RORA: variants seen among roughly 807,000 people sequenced by gnomAD.
RORA encodes nuclear receptor ROR-alpha.
RORA carries 7 observed loss-of-function variants against 69.5 expected under a neutral mutation model. That is an observed-to-expected ratio of 0.10 (90% CI 0.06 to 0.19). The LOEUF (loss-of-function observed/expected upper bound fraction) is 0.19, where lower values mean the gene tolerates loss of function less well. Among genes scored for constraint, RORA ranks in the 10% least tolerant of loss-of-function variants. The pLI is 1.00. For synonymous variants in RORA, 261 were observed against 240.8 expected (o/e 1.08, Z -0.78); for missense variants, 457 against 663.0 (o/e 0.69, Z 3.41).
chr15:60,946,438 T>G (rs901831233), intron 1 of RORA, among the ~76,000 whole-genome samples: 1 of 152,186 alleles, frequency 6.6e-6, no homozygotes, highest in African/African-American at 2.4e-5. Context: ...TGACTGGTTT[T>G]CGTATTTTTT....
chr15:60,971,016 C>T (rs2140351530), intron 1 of RORA, among the ~76,000 whole-genome samples: 1 of 152,254 alleles, frequency 6.6e-6, no homozygotes, highest in African/African-American at 2.4e-5. Context: ...TTTATACTTC[C>T]TTTGGGGGCA....
At chr15:61,094,807 G>A (rs1162164744) in intron 1 of RORA, among the ~76,000 whole-genome samples, 4 of 152,186 alleles carry the variant, frequency 2.6e-5, no homozygotes, top group Admixed American at 2.0e-4. Flanking sequence ...ACTACTTGCA[G>A]CAAACCTTAG....
At chr15:60,518,675 G>A (rs577448750) in intron 3 of RORA, among the ~76,000 whole-genome samples, 3 of 152,282 alleles carry the variant, frequency 2.0e-5, no homozygotes, top group Admixed American at 6.5e-5. Context: ...ACCTCCTAGC[G>A]CCGTCTGTAA....
At chr15:60,504,979 CT>C (rs2065452040) in intron 6 of RORA, among the ~76,000 whole-genome samples, 1 of 152,188 alleles carries the variant, frequency 6.6e-6, no homozygotes, top group South Asian at 2.1e-4. Flanking sequence ...CTTAGATAAT[CT>C]TGTTGATCTG....
chr15:61,068,377 T>C (rs1244034585), intron 1 of RORA, among the ~76,000 whole-genome samples: 4 of 152,220 alleles, frequency 2.6e-5, no homozygotes, highest in Non-Finnish European at 5.9e-5. Context: ...AACCACTGTT[T>C]CCTCTCTTGA....
At chr15:60,570,464 G>C (rs1025966772) in intron 2 of RORA, among the ~76,000 whole-genome samples, 2 of 151,994 alleles carry the variant, frequency 1.3e-5, no homozygotes, top group African/African-American at 4.8e-5. Flanking sequence ...CTGAGTAGCT[G>C]GGACTATAAT....
intron 1 of RORA, among the ~76,000 whole-genome samples, chr15:61,158,685 C>G (rs2079467366): frequency 6.6e-6 from 1 of 152,116 alleles, no homozygotes; most frequent in African/African-American, 2.4e-5. Context: ...AATAGAGACC[C>G]AAAGAGGCTC....
intron 1 of RORA, among the ~76,000 whole-genome samples, chr15:61,084,825 CTTT>C (rs34566111): frequency 4.2e-4 from 58 of 138,752 alleles, no homozygotes; most frequent in African/African-American, 1.1e-3. Context: ...TCTACCCATC[CTTT>C]TTTTTTTTTT....
intron 1 of RORA, among the ~76,000 whole-genome samples, chr15:61,044,105 G>A (rs895302114): frequency 6.6e-6 from 1 of 151,816 alleles, no homozygotes; most frequent in East Asian, 1.9e-4. Context: ...CATAACACTT[G>A]GGAAGGAAAG....
intron 3 of RORA, among the ~76,000 whole-genome samples, chr15:60,522,770 TAA>T (rs34289911): frequency 2.5e-3 from 310 of 124,086 alleles, no homozygotes; most frequent in East Asian, 3.5e-3. Context: ...CCCTGTGTCT[TAA>T]AAAAAAAAAA....
At chr15:60,660,617 T>G (rs965228345) in intron 2 of RORA, among the ~76,000 whole-genome samples, 2 of 152,212 alleles carry the variant, frequency 1.3e-5, no homozygotes, top group Non-Finnish European at 2.9e-5. Context: ...CTCCGACTTT[T>G]GGGAAGAAGG....
intron 2 of RORA, among the ~76,000 whole-genome samples, chr15:60,575,580 T>G (rs1254272817): frequency 6.6e-6 from 1 of 152,216 alleles, no homozygotes; most frequent in Admixed American, 6.5e-5. Context: ...TTTGGTAAGC[T>G]TTTTATTGAA....
intron 1 of RORA, among the ~76,000 whole-genome samples, chr15:61,054,479 C>A (rs1252780304): frequency 1.3e-5 from 2 of 152,184 alleles, no homozygotes; most frequent in East Asian, 3.9e-4. Context: ...GGGCTAGGGG[C>A]ATAGCAACAG....
At chr15:60,561,082 G>GTTTTTTTTTTTTT (rs571970599) in intron 2 of RORA, among the ~76,000 whole-genome samples, 13 of 122,034 alleles carry the variant, frequency 1.1e-4, no homozygotes, top group African/African-American at 2.4e-4. Flanking sequence ...TTTTGTTTTT[G>GTTTTTTTTTTTTT]TTTTTTTTTT....
intron 1 of RORA, among the ~76,000 whole-genome samples, chr15:60,898,536 TAA>T (rs1326945864): frequency 6.6e-6 from 1 of 150,838 alleles, no homozygotes; most frequent in Non-Finnish European, 1.5e-5. Context: ...AATAAATAAA[TAA>T]ATAAATTTAA....
At chr15:60,647,799 G>T (rs899670916) in intron 2 of RORA, among the ~76,000 whole-genome samples, 2 of 152,184 alleles carry the variant, frequency 1.3e-5, no homozygotes, top group African/African-American at 4.8e-5. Context: ...TATTGATATA[G>T]AGCCTTCTCT....
chr15:60,684,313 G>A (rs1377462190), intron 1 of RORA, among the ~76,000 whole-genome samples: 1 of 152,052 alleles, frequency 6.6e-6, no homozygotes, highest in African/African-American at 2.4e-5. Context: ...AAAATTCTGT[G>A]TTAGCATTAA....
chr15:61,170,796 T>C (rs1273532357), intron 1 of RORA, among the ~76,000 whole-genome samples: 1 of 152,234 alleles, frequency 6.6e-6, no homozygotes, highest in Non-Finnish European at 1.5e-5. Context: ...CAGAGCCATT[T>C]GGATCAACCT....
At chr15:60,672,073 C>T (rs1215870434) in intron 2 of RORA, among the ~76,000 whole-genome samples, 2 of 152,124 alleles carry the variant, frequency 1.3e-5, no homozygotes, top group African/African-American at 2.4e-5. Flanking sequence ...GCCAACAGAG[C>T]GAGTCCCCTT....
Sources: gnomAD v4.1 joint callset for allele counts (sites outside exome capture counted in the v4.1 genomes callset) on GRCh38, gnomAD v4.1.1 for gene constraint, MANE v1.5 for transcripts, NCBI Gene and HGNC (gene_info 2026-07-23, HGNC 2026-07-21) for gene names.